MID1: variants seen among roughly 807,000 people sequenced by gnomAD.
The protein encoded by MID1 is midline 1.
MID1 carries 7 observed loss-of-function variants against 40.4 expected under a neutral mutation model. The ratio of observed to expected loss-of-function variants is 0.17; its 90% confidence interval spans 0.10 to 0.33. MID1 has a LOEUF of 0.33. Ranked by LOEUF, MID1 falls within the 10% of genes least tolerant of loss-of-function variation. The pLI, the probability that MID1 is intolerant of heterozygous loss-of-function variation, is 1.00. For missense variants in MID1, 367 were observed against 558.5 expected (o/e 0.66, Z 3.46); for synonymous variants, 229 against 221.2 (o/e 1.04, Z -0.31).
intron 1 of MID1, among the ~76,000 whole-genome samples, chrX:10,668,591 T>C (rs1251887262): frequency 8.9e-6 from 1 of 112,574 alleles, no homozygotes; most frequent in African/African-American, 3.2e-5. Flanking sequence ...TAAAATTTAG[T>C]GAGCAAGCTT....
chrX:10,631,836 A>G (rs1052210391), intron 1 of MID1, among the ~76,000 whole-genome samples: 4 of 112,166 alleles, frequency 3.6e-5, no homozygotes, highest in Non-Finnish European at 5.6e-5. Flanking sequence ...ACAAGCATGG[A>G]GACTTTTTTT....
intron 1 of MID1, among the ~76,000 whole-genome samples, chrX:10,702,601 C>T (rs1480559862): frequency 8.9e-6 from 1 of 112,106 alleles, no homozygotes; most frequent in Non-Finnish European, 1.9e-5. Flanking sequence ...CTGTGTTTTT[C>T]GAAGGCAAAC....
chrX:10,733,068 T>A (rs2043463077), intron 1 of MID1, among the ~76,000 whole-genome samples: 1 of 110,138 alleles, frequency 9.1e-6, no homozygotes, highest in South Asian at 3.9e-4. Context: ...TTCACCGTGT[T>A]AGCCAGGATG....
chrX:10,784,368 G>A (rs1000460649), intron 1 of MID1, among the ~76,000 whole-genome samples: 2 of 110,807 alleles, frequency 1.8e-5, no homozygotes, highest in African/African-American at 3.3e-5. Flanking sequence ...TACAATTGAC[G>A]GTTTTCTATG....
chrX:10,746,714 T>C (rs953589755), intron 1 of MID1, among the ~76,000 whole-genome samples: 22 of 110,838 alleles, frequency 2.0e-4, no homozygotes, highest in African/African-American at 7.2e-4. Flanking sequence ...ACTTGTCTTA[T>C]GCCCAGTGGT....
chrX:10,730,866 G>A (rs749942241), intron 1 of MID1, among the ~76,000 whole-genome samples: 1 of 111,305 alleles, frequency 9.0e-6, no homozygotes, highest in African/African-American at 3.3e-5. Flanking sequence ...GAGCCACTGC[G>A]CCCGGCAAGA....
intron 1 of MID1, among the ~76,000 whole-genome samples, chrX:10,799,109 A>T (rs1446418730): frequency 1.8e-5 from 2 of 111,841 alleles, no homozygotes; most frequent in Non-Finnish European, 3.8e-5. Context: ...AGGGCATCAG[A>T]TCAACACTCA....
chrX:10,476,456 G>A (rs926727785), intron 5 of MID1, among the ~76,000 whole-genome samples: 5 of 110,843 alleles, frequency 4.5e-5, no homozygotes, highest in Admixed American at 1.9e-4. Context: ...TTACAGGTAT[G>A]AGCCACCACA....
Position 10,529,812 on chromosome X carries a change from AGTCCC to A in MID1, c.661-6630_661-6626del, listed in dbSNP as rs768715551. Among the ~76,000 whole-genome samples the A allele has an allele frequency of 3.4e-3, 381 of 112,327 alleles. 1 individual carries two copies. Among genetic ancestry groups the A allele is most frequent in the Middle Eastern group, 0.014 (3 of 218 alleles). ...ACTTGCTGTATACCCATCATTGCTTAGTCCCTTCCCACCGTACACCCTTAAATATG... is the reference window on the plus strand; with the variant it reads ...ACTTGCTGTATACCCATCATTGCTTATTCCCACCGTACACCCTTAAATATG... On this transcript the variant is annotated intron_variant, in intron 2 of 9. Coordinates refer to ENST00000317552, the MANE Select transcript of MID1 (RefSeq NM_000381.4).
intron 3 of MID1, among the ~76,000 whole-genome samples, chrX:10,511,712 G>A (rs1030225913): frequency 3.6e-5 from 4 of 112,085 alleles, no homozygotes; most frequent in Non-Finnish European, 5.6e-5. Flanking sequence ...TTGATTTTAT[G>A]CTACAGGTTG....
chrX:10,652,227 G>A (rs771887893), intron 1 of MID1, among the ~76,000 whole-genome samples: 44 of 111,513 alleles, frequency 3.9e-4, no homozygotes, highest in African/African-American at 1.4e-3. Flanking sequence ...GCTCGTGTCT[G>A]TCCCATCTCT....
intron 8 of MID1, 126 bp from the exon 9 acceptor site, chrX:10,455,203 C>T: frequency 1.8e-6 from 1 of 541,487 alleles, no homozygotes; most frequent in South Asian, 2.6e-5. Flanking sequence ...CTGAGTCATG[C>T]CTCCTATCAC....
At chrX:10,601,467 G>A (rs1935517224) in intron 1 of MID1, among the ~76,000 whole-genome samples, 1 of 112,573 alleles carries the variant, frequency 8.9e-6, no homozygotes. Context: ...TTGGAACACA[G>A]TTACCTCCAA....
At chrX:10,588,330 C>T (rs1935186542) in intron 1 of MID1, among the ~76,000 whole-genome samples, 3 of 109,639 alleles carry the variant, frequency 2.7e-5, no homozygotes, top group Non-Finnish European at 3.8e-5. Context: ...TTTTTTTTTT[C>T]CCGTTAGCAA....
chrX:10,788,182 G>A (rs7880078), intron 1 of MID1, among the ~76,000 whole-genome samples: 5,375 of 111,680 alleles, frequency 0.048, 290 homozygotes, highest in African/African-American at 0.16. Flanking sequence ...CAGACAATTA[G>A]TGACTTTGTA....
At chrX:10,824,843 T>C (rs1007977022) in intron 1 of MID1, among the ~76,000 whole-genome samples, 18 of 110,776 alleles carry the variant, frequency 1.6e-4, no homozygotes, top group Non-Finnish European at 3.0e-4. Flanking sequence ...AATCCCAATC[T>C]GGGTGCATAC....
At chrX:10,587,744 T>C (rs943988078) in intron 1 of MID1, among the ~76,000 whole-genome samples, 1 of 112,203 alleles carries the variant, frequency 8.9e-6, no homozygotes, top group Non-Finnish European at 1.9e-5. Context: ...TATGATCTTC[T>C]AGTAAAATGA....
Position 10,521,198 on chromosome X carries a change from G to A in MID1, c.756+1894C>T, listed in dbSNP as rs1000764989. The stretch of plus-strand genomic sequence containing the variant: ...TTGTGAGAACTCACTCATTATCATG[G>A]AATCAGCACCAAGCCATGAGGGATC... On this transcript the variant is annotated intron_variant, in intron 3 of 9. Transcript: ENST00000317552. 8.2e-5 allele frequency among the ~76,000 whole-genome samples: 9 copies of A among 110,174 alleles called. 1 individual carries two copies. Among genetic ancestry groups the A allele is most frequent in the Non-Finnish European group, 3.8e-5 (2 of 52,709 alleles).
chrX:10,623,629 G>A (rs780703573), upstream of MID1, among the ~76,000 whole-genome samples: 2 of 112,032 alleles, frequency 1.8e-5, no homozygotes, highest in South Asian at 3.8e-4. Context: ...GCCCTTGGAC[G>A]ATACCTAACA....
Sources: gnomAD v4.1 joint callset for allele counts (sites outside exome capture counted in the v4.1 genomes callset) on GRCh38, gnomAD v4.1.1 for gene constraint, MANE v1.5 for transcripts, NCBI Gene and HGNC (gene_info 2026-07-23, HGNC 2026-07-21) for gene names.